MBD5: variants seen among roughly 807,000 people sequenced by gnomAD.
The protein encoded by MBD5 is methyl-CpG binding domain protein 5.
In MBD5, 13 loss-of-function variants were observed where a neutral mutation model predicts 117.3. That is an observed-to-expected ratio of 0.11 (90% CI 0.07 to 0.18). The LOEUF is 0.18. MBD5 is among the 10% of genes least tolerant of loss of function. The pLI is 1.00. For missense variants in MBD5, 1,879 were observed against 2,093.8 expected, an observed-to-expected ratio of 0.90 and a Z score of 2.00; for synonymous variants, 727 against 766.4, an observed-to-expected ratio of 0.95 and a Z score of 0.85.
Position 148,172,818 on chromosome 2 carries a change from C to A in MBD5, c.-924-5882C>A, listed in dbSNP as rs191700878. On this transcript the variant is annotated intron_variant, in intron 1 of 13. Transcript: ENST00000642680. ...GACTCATACAGACCGTTGGGACTAC[C>A]AGGTGCGGGAAGGAGCTACCCATTT... Among the ~76,000 whole-genome samples, 31 of 152,258 alleles carry A rather than the reference C, an allele frequency of 2.0e-4. No homozygotes were observed. The East Asian group carries it at 5.6e-3, about 28-fold the overall frequency.
chr2:148,294,050 GA>G (rs1701569021), intron 3 of MBD5, among the ~76,000 whole-genome samples: 2 of 152,056 alleles, frequency 1.3e-5, no homozygotes, highest in Admixed American at 1.3e-4. Flanking sequence ...CTTCATGTCA[GA>G]TTATCAACTG....
At chr2:148,227,905 G>T (rs1699875969) in intron 2 of MBD5, among the ~76,000 whole-genome samples, 1 of 151,918 alleles carries the variant, frequency 6.6e-6, no homozygotes. Flanking sequence ...TCATGATTTG[G>T]CTCTCTGTCT....
chr2:148,035,271 G>A (rs1694158285), intron 1 of MBD5, among the ~76,000 whole-genome samples: 1 of 151,992 alleles, frequency 6.6e-6, no homozygotes, highest in African/African-American at 2.4e-5. Context: ...AATAAGCAGG[G>A]TGCACTATTA....
At chr2:148,419,438 A>G (rs551591044) in intron 4 of MBD5, among the ~76,000 whole-genome samples, 2 of 152,290 alleles carry the variant, frequency 1.3e-5, no homozygotes, top group Admixed American at 1.3e-4. Flanking sequence ...GTCCTGAGTC[A>G]TCTGGAATGC....
At chr2:148,355,031 C>T (rs116156453) in intron 4 of MBD5, among the ~76,000 whole-genome samples, 32,257 of 151,488 alleles carry the variant, frequency 0.21, 3,997 homozygotes, top group East Asian at 0.54. Flanking sequence ...AATGATGATG[C>T]GCATTTTTTC....
chr2:148,110,470 C>G (rs1696480537), intron 1 of MBD5, among the ~76,000 whole-genome samples: 1 of 152,066 alleles, frequency 6.6e-6, no homozygotes, highest in African/African-American at 2.4e-5. Flanking sequence ...AGACTGATAC[C>G]TTTCAGATTC....
At chr2:148,175,208 C>G (rs1036440371) in intron 1 of MBD5, among the ~76,000 whole-genome samples, 1 of 152,124 alleles carries the variant, frequency 6.6e-6, no homozygotes, top group Non-Finnish European at 1.5e-5. Flanking sequence ...CATAACTTCA[C>G]TTCGTATTTT....
chr2:148,421,171 C>T (rs1705593209), intron 4 of MBD5, among the ~76,000 whole-genome samples: 2 of 152,174 alleles, frequency 1.3e-5, no homozygotes, highest in South Asian at 4.1e-4. Flanking sequence ...TCTGCAGCTC[C>T]CAGCAAGATT....
chr2:148,330,053 C>CCCCCCCCCCA (rs1559026394), intron 3 of MBD5, among the ~76,000 whole-genome samples: 2 of 21,088 alleles, frequency 9.5e-5, no homozygotes, highest in African/African-American at 1.3e-4. Context: ...GCCCCCCCCA[C>CCCCCCCCCCA]ACACACACAC....
chr2:148,259,069 G>A (rs1461581512), intron 3 of MBD5, among the ~76,000 whole-genome samples: 2 of 152,110 alleles, frequency 1.3e-5, no homozygotes, highest in African/African-American at 4.8e-5. Flanking sequence ...GTCAAACATA[G>A]CCTGCTGCAT....
Position 148,483,111 on chromosome 2 carries a change from CGGTTCA to C in MBD5, c.2523_2528del (p.Ser842_Gly843del), listed in dbSNP as rs1681214533. 1 of 1,603,436 alleles carries C rather than the reference CGGTTCA, an allele frequency of 6.2e-7. No homozygotes were observed. Among genetic ancestry groups the C allele is most frequent in the Admixed American group, 1.7e-5 (1 of 59,100 alleles). On this transcript the variant is annotated inframe_deletion and splice_region_variant, in exon 9 of 14. Coordinates refer to ENST00000642680, the MANE Select transcript of MBD5 (RefSeq NM_001378120.1). ...GTGTTTTTTTTTTTTTCATTTTAGGCGGTTCAGGACCATCATCCTCCATAGCCATAG... is the reference window on the plus strand; with the variant it reads ...GTGTTTTTTTTTTTTTCATTTTAGGCGGACCATCATCCTCCATAGCCATAG...
At chr2:148,257,559 G>A (rs988565411) in intron 3 of MBD5, among the ~76,000 whole-genome samples, 6 of 152,068 alleles carry the variant, frequency 3.9e-5, no homozygotes, top group Non-Finnish European at 5.9e-5. Context: ...ATTTGTTGAC[G>A]GCCCAACTGC....
At chr2:148,107,412 GT>G (rs879920938) in intron 1 of MBD5, among the ~76,000 whole-genome samples, 114 of 150,998 alleles carry the variant, frequency 7.5e-4, no homozygotes, top group South Asian at 2.3e-3. Context: ...TTTGAATTGA[GT>G]TTTTTTTTAT....
chr2:148,303,268 C>T (rs1701816039), intron 3 of MBD5, among the ~76,000 whole-genome samples: 1 of 152,140 alleles, frequency 6.6e-6, no homozygotes, highest in African/African-American at 2.4e-5. Flanking sequence ...AATAAGGTTG[C>T]CCTGCCAGAA....
At chr2:148,425,130 C>T (rs1408605729) in intron 4 of MBD5, among the ~76,000 whole-genome samples, 1 of 151,934 alleles carries the variant, frequency 6.6e-6, no homozygotes, top group Non-Finnish European at 1.5e-5. Context: ...AATAGATAGA[C>T]CACTAGCCAG....
intron 1 of MBD5, among the ~76,000 whole-genome samples, chr2:148,066,166 C>A (rs1268436801): frequency 6.6e-6 from 1 of 151,982 alleles, no homozygotes. Context: ...ATGAGCCGAG[C>A]ATGGTGTTGT....
intron 1 of MBD5, among the ~76,000 whole-genome samples, chr2:148,161,309 T>C (rs1698002209): frequency 6.6e-6 from 1 of 152,134 alleles, no homozygotes; most frequent in South Asian, 2.1e-4. Context: ...AATAACCCAT[T>C]GGACTTAGCA....
chr2:148,424,969 TA>T, intron 4 of MBD5, among the ~76,000 whole-genome samples: 1 of 152,010 alleles, frequency 6.6e-6, no homozygotes, highest in Non-Finnish European at 1.5e-5. Flanking sequence ...ATCGCATTTT[TA>T]AAAAACTAGA....
intron 3 of MBD5, among the ~76,000 whole-genome samples, chr2:148,289,824 GA>G (rs1310946481): frequency 5.5e-5 from 8 of 144,830 alleles, no homozygotes; most frequent in Admixed American, 1.4e-4. Flanking sequence ...AATGAAAGCA[GA>G]AAAAAAGTCT....
Sources: gnomAD v4.1 joint callset for allele counts (sites outside exome capture counted in the v4.1 genomes callset) on GRCh38, gnomAD v4.1.1 for gene constraint, MANE v1.5 for transcripts, NCBI Gene and HGNC (gene_info 2026-07-23, HGNC 2026-07-21) for gene names.